LAMC3: variants seen among roughly 807,000 people sequenced by gnomAD.
The protein encoded by LAMC3 is laminin subunit gamma 3.
In LAMC3, 128 loss-of-function variants were observed where a neutral mutation model predicts 173.8. The ratio of observed to expected loss-of-function variants is 0.74; its 90% CI spans 0.64 to 0.85. The LOEUF (loss-of-function observed/expected upper bound fraction) is 0.85, where lower values mean the gene tolerates loss of function less well. LAMC3 is among the 40% of genes least tolerant of loss of function. The probability of loss-of-function intolerance (pLI) is 0.00; values close to 1 mark genes in which losing one functional copy is unlikely to be tolerated. For missense variants in LAMC3, 2,022 were observed against 2,156.0 expected (o/e 0.94, Z 1.23); for synonymous variants, 897 against 909.1 (o/e 0.99, Z 0.24).
chr9:131,077,046 G>A, intron 21 of LAMC3, 141 bp from the exon 22 acceptor site: 2 of 1,109,302 alleles, frequency 1.8e-6, no homozygotes, highest in Non-Finnish European at 2.7e-6. Flanking sequence ...TTCCGAGGCA[G>A]CTGTACCTAC....
chr9:131,019,749 G>A lies in LAMC3; in HGVS notation c.374-6536G>A, dbSNP rs369042073. ...GCCCTCCTACTCAGGAGTCCATGGA[G>A]CCCCAGAGAGAAGGGGCTGCCTAGG... On this transcript the variant is annotated intron_variant, in intron 1 of 27. Transcript: ENST00000361069. 3.3e-5 allele frequency among the ~76,000 whole-genome samples: 5 copies of A among 152,226 alleles called. No homozygotes were observed. The East Asian group carries it at 7.7e-4, about 24-fold the overall frequency.
rs1235636539 is a variant in LAMC3, at chr9:131,062,084, C to T, written c.2347+861C>T. Among the ~76,000 whole-genome samples the T allele has an allele frequency of 2.6e-5, 4 of 151,096 alleles. No individual in the cohort carries two copies. The East Asian group carries it at 5.9e-4, about 22-fold the overall frequency. ...ATTTTTTTTTAAATAAAGTACAGGCCGGGCATGGTGACTCATGCCTGTAAT... is the reference window on the plus strand; with the variant it reads ...ATTTTTTTTTAAATAAAGTACAGGCTGGGCATGGTGACTCATGCCTGTAAT... On this transcript the variant is annotated intron_variant, in intron 13 of 27. Coordinates refer to ENST00000361069, the MANE Select transcript of LAMC3 (RefSeq NM_006059.4).
At position 131,061,112 on chromosome 9, in the gene LAMC3, G is replaced by C. The variant is rs900991986; in HGVS notation, c.2236G>C (p.Ala746Pro). 1.2e-6 allele frequency: 2 copies of C among 1,613,772 alleles called. No individual in the cohort carries two copies. Among genetic ancestry groups the C allele is most frequent in the African/African-American group, 2.7e-5 (2 of 74,908 alleles). ...CLPGFYGNPF[A>P]GQADDCQPCP... is the part of the protein sequence containing the mutation. ...GCCAGGTTTCTATGGCAACCCTTTCGCGGGCCAAGCCGACGACTGCCAGCC... is the reference window on the plus strand; with the variant it reads ...GCCAGGTTTCTATGGCAACCCTTTCCCGGGCCAAGCCGACGACTGCCAGCC... The change falls in exon 13 of 28, where the codon GCG becomes CCG. Residue 746 changes from alanine to proline, a missense_variant. By Grantham distance (27) the Ala-to-Pro change is conservative (BLOSUM62 -1). Coordinates refer to ENST00000361069, the MANE Select transcript of LAMC3 (RefSeq NM_006059.4).
At position 131,041,708 on chromosome 9, in the gene LAMC3, A is replaced by G; in HGVS notation, c.1355A>G (p.Glu452Gly). 6.2e-7 allele frequency: 1 copy of G among 1,613,946 alleles called. No homozygotes were observed. The highest frequency in any genetic ancestry group is 8.5e-7 in the Non-Finnish European group (1 of 1,180,028). ...CGCAGTGGGCGCTGCCCCTGCAAAG[A>G]GAATGTGGAAGGCAACCTATGTGAC... Reference protein sequence around the residue: ...DPRSGRCPCKENVEGNLCDRC... With the variant: ...DPRSGRCPCKGNVEGNLCDRC... Residue 452 changes from glutamate to glycine, a missense_variant, in exon 7 of 28, where the codon GAG (glutamate) becomes GGG (glycine). Physicochemically the swap from Glu to Gly is moderately conservative, Grantham distance 98. Coordinates refer to ENST00000361069, the MANE Select transcript of LAMC3 (RefSeq NM_006059.4).
intron 2 of LAMC3, among the ~76,000 whole-genome samples, chr9:131,030,335 C>T (rs535877047): frequency 2.0e-4 from 31 of 152,284 alleles, no homozygotes; most frequent in Non-Finnish European, 3.2e-4. Flanking sequence ...AGATTTTGAC[C>T]CCATTCCTTT....
chr9:131,057,261 G>C, intron 12 of LAMC3, 114 bp downstream of exon 12: 1 of 877,052 alleles, frequency 1.1e-6, no homozygotes, highest in Non-Finnish European at 1.9e-6. Flanking sequence ...TGGCCAAGCT[G>C]TGGGGCAGTG....
rs749585739 is a variant in LAMC3, at chr9:131,078,976, G to A, written c.3778-173G>A. On this transcript the variant is annotated intron_variant, in intron 22 of 27. Transcript: ENST00000361069. ...CTGCTATTCCTGCCTCTGGGCTTCC[G>A]AGCTACCTGGGGCATCAGCTAGGCT... 5.3e-5 allele frequency among the ~76,000 whole-genome samples: 8 copies of A among 152,360 alleles called. No individual in the cohort carries two copies. The East Asian group carries it at 5.8e-4, about 11-fold the overall frequency.
Position 131,091,786 on chromosome 9 carries a change from G to A in LAMC3, c.4727G>A (p.Ter1576=). The change falls in exon 28 of 28, where the codon TGA becomes TAA. Residue 1576 remains the stop codon, a stop_retained_variant. Coordinates refer to ENST00000361069, the MANE Select transcript of LAMC3 (RefSeq NM_006059.4). Reference sequence around the variant, plus strand: ...CCCGAGAACTGTGCCAGCTGGCAGTGAGGGCTGCCCAGATCCCCGGCACAC... The same window carrying A: ...CCCGAGAACTGTGCCAGCTGGCAGTAAGGGCTGCCCAGATCCCCGGCACAC... ...SLPENCASWQ[*] is the part of the protein sequence containing the mutation. 1 of 1,612,238 alleles carries A rather than the reference G, an allele frequency of 6.2e-7. No homozygotes were observed. The highest frequency in any genetic ancestry group is 8.5e-7 in the Non-Finnish European group (1 of 1,179,978).
At chr9:131,036,410 C>G (rs185733247) in intron 4 of LAMC3, 78 bp downstream of exon 4, 6 of 1,541,292 alleles carry the variant, frequency 3.9e-6, no homozygotes, top group Non-Finnish European at 5.3e-6. Flanking sequence ...CCCAAAACGT[C>G]GTGGTGGGGG....
rs1345636118 is a variant in LAMC3 at position 131,036,217 on chromosome 9, G to A, written c.861G>A (p.Gln287=). The stretch of plus-strand genomic sequence containing the variant: ...AGTGCGGCCCCGACGTGGCAGGCCA[G>A]TTGGCCTGCCGGTGCCAGCACAACA... ...ASECGPDVAG[Q]LACRCQHNTT... The change falls in exon 4 of 28, where the codon CAG becomes CAA. Residue 287 remains glutamine, a synonymous_variant. Transcript: ENST00000361069. 3.1e-6 allele frequency: 5 copies of A among 1,612,574 alleles called. No homozygotes were observed. Among genetic ancestry groups the A allele is most frequent in the Non-Finnish European group, 4.2e-6 (5 of 1,179,790 alleles).
chr9:131,081,443 C>CCCTCCA (rs1830237449), intron 23 of LAMC3, among the ~76,000 whole-genome samples: 1 of 140,716 alleles, frequency 7.1e-6, no homozygotes, highest in African/African-American at 2.6e-5. Flanking sequence ...TGTTCCCTCC[C>CCCTCCA]TCCCTCCCTC....
At chr9:131,018,734 C>T (rs1588137051) in intron 1 of LAMC3, among the ~76,000 whole-genome samples, 3 of 152,182 alleles carry the variant, frequency 2.0e-5, no homozygotes, top group African/African-American at 7.2e-5. Flanking sequence ...GCTTACTGGA[C>T]CACATGCCCC....
chr9:131,012,753 C>G (rs1293939922), intron 1 of LAMC3, among the ~76,000 whole-genome samples: 4 of 152,252 alleles, frequency 2.6e-5, no homozygotes, highest in African/African-American at 4.8e-5. Context: ...TCTGTCCCCC[C>G]ACTGCTCCCT....
chr9:131,026,572 G>A lies in LAMC3; in HGVS notation c.661G>A (p.Glu221Lys), dbSNP rs1381405671. 1.3e-6 allele frequency: 2 copies of A among 1,599,906 alleles called. No individual in the cohort carries two copies. The highest frequency in any genetic ancestry group is 1.7e-6 in the Non-Finnish European group (2 of 1,174,134). The change falls in exon 2 of 28, where the codon GAG (glutamate) becomes AAG (lysine). Residue 221 changes from glutamate (E) to lysine (K), a missense_variant. Physicochemically the swap from Glu to Lys is moderately conservative, Grantham distance 56 (BLOSUM62 1). Transcript: ENST00000361069. The surrounding 1 kb of genome is among the most constrained non-coding windows in gnomAD (Gnocchi z 4.8). ...CCGGCCCAGCGCCTACAACTTCGAG[G>A]AGAGCCCTGGGCTGCAGGTCAGGGA... ...EGRPSAYNFEESPGLQEWVTS... is the reference protein window; with the variant it reads ...EGRPSAYNFEKSPGLQEWVTS...
chr9:131,010,353 G>GA (rs543944966), intron 1 of LAMC3, among the ~76,000 whole-genome samples: 18 of 150,314 alleles, frequency 1.2e-4, no homozygotes, highest in African/African-American at 2.9e-4. Flanking sequence ...AAAAAAAGAA[G>GA]AAAAAAAAAC....
chr9:131,045,759 G>T, intron 8 of LAMC3, 99 bp downstream of exon 8: 1 of 1,452,768 alleles, frequency 6.9e-7, no homozygotes, highest in Non-Finnish European at 9.6e-7. Flanking sequence ...ATCTCCCATT[G>T]TGGAGAGGAG....
At chr9:131,081,879 T>C (rs1255542689) in intron 23 of LAMC3, among the ~76,000 whole-genome samples, 180 bp from the exon 24 acceptor site, 1 of 152,230 alleles carries the variant, frequency 6.6e-6, no homozygotes, top group Admixed American at 6.5e-5. Context: ...TGGGAGACAT[T>C]CGGAGTTCAA....
Position 131,072,728 on chromosome 9 carries a change from GCCC to G in LAMC3, c.3311_3313del (p.Ala1104_Gln1105delinsGlu). 6.2e-7 allele frequency: 1 copy of G among 1,612,694 alleles called. No individual in the cohort carries two copies. Among genetic ancestry groups the G allele is most frequent in the Non-Finnish European group, 8.5e-7 (1 of 1,179,708 alleles). On this transcript the variant is annotated inframe_deletion, in exon 19 of 28. Coordinates refer to ENST00000361069, the MANE Select transcript of LAMC3 (RefSeq NM_006059.4). ...GAGGCTGAACAAGGGTGCCCGCTGT[GCCC>G]AGGCCGGATCCCAGAAGACCTGCAC...
rs1287325288 is a variant in LAMC3, at chr9:131,033,501, GGTGGAGGGCAGGCGGGTGGGC to G, written c.809+1333_809+1353del. Among the ~76,000 whole-genome samples the G allele has an allele frequency of 5.9e-5, 9 of 152,238 alleles. No individual in the cohort carries two copies. The South Asian group carries it at 1.9e-3, about 32-fold the overall frequency. ...GACTAGGGGACGGCCAACGTGGCTG[GGTGGAGGGCAGGCGGGTGGGC>G]GTGGAGAGGTTGGCAGAGTGTCAGG... On this transcript the variant is annotated intron_variant, in intron 3 of 27. Transcript: ENST00000361069.
Sources: allele counts gnomAD v4.1 joint callset (sites outside exome capture counted in the v4.1 genomes callset), GRCh38; gene constraint gnomAD v4.1.1; non-coding constraint Gnocchi (gnomAD v3.1); transcripts MANE v1.5; gene names NCBI Gene and HGNC (gene_info 2026-07-23, HGNC 2026-07-21).